Variants in MTMR8 observed in about 807,000 individuals in gnomAD.
MTMR8 encodes the protein phosphatidylinositol-3,5-bisphosphate 3-phosphatase MTMR8.
A neutral mutation model predicts 39.3 loss-of-function variants in MTMR8; 65 were observed. The observed-to-expected ratio is 1.65, with a 90% CI of 1.35 to 2.03. MTMR8 has a LOEUF of 2.03. Among genes scored for constraint, MTMR8 ranks in the 30% most tolerant of loss-of-function variants. The pLI is 0.00. For synonymous variants in MTMR8, 245 were observed against 185.2 expected, an observed-to-expected ratio of 1.32 and a Z score of -2.62; for missense variants, 777 against 538.9, an observed-to-expected ratio of 1.44 and a Z score of -4.37.
intron 1 of MTMR8, among the ~76,000 whole-genome samples, chrX:64,364,091 C>T (rs778170668): frequency 3.7e-4 from 42 of 112,426 alleles, no homozygotes; most frequent in South Asian, 1.5e-3. Flanking sequence ...CCAGGAAGCT[C>T]GAACTGGGCA....
intron 12 of MTMR8, among the ~76,000 whole-genome samples, chrX:64,273,464 A>G (rs1473977096): frequency 2.7e-5 from 3 of 110,267 alleles, no homozygotes; most frequent in African/African-American, 9.9e-5. Context: ...ATCAAAGCAT[A>G]CTAATATAAA....
intron 1 of MTMR8, among the ~76,000 whole-genome samples, chrX:64,378,715 A>G (rs983403528): frequency 1.8e-5 from 2 of 112,662 alleles, no homozygotes; most frequent in African/African-American, 3.2e-5. Context: ...AAGGTCAATA[A>G]TCTAAGCTTT....
chrX:64,386,045 C>A (rs1197220350), intron 1 of MTMR8, among the ~76,000 whole-genome samples: 1 of 110,640 alleles, frequency 9.0e-6, no homozygotes, highest in Non-Finnish European at 1.9e-5. Context: ...CAGGAGACTC[C>A]AATCTACCTG....
At chrX:64,368,935 A>G (rs1924052547) in intron 1 of MTMR8, among the ~76,000 whole-genome samples, 1 of 112,524 alleles carries the variant, frequency 8.9e-6, no homozygotes, top group South Asian at 3.7e-4. Context: ...CAACCCCATC[A>G]AAAAGTTGGT....
intron 1 of MTMR8, among the ~76,000 whole-genome samples, chrX:64,362,004 A>G (rs1053241786): frequency 1.8e-5 from 2 of 111,021 alleles, no homozygotes; most frequent in African/African-American, 3.3e-5. Flanking sequence ...ATCAACCACA[A>G]AAGTCAATAA....
At chrX:64,320,806 C>T (rs1343863636) in intron 12 of MTMR8, among the ~76,000 whole-genome samples, 1 of 111,630 alleles carries the variant, frequency 9.0e-6, no homozygotes, top group Non-Finnish European at 1.9e-5. Flanking sequence ...TACTTTTAAG[C>T]TCTACAGAAG....
chrX:64,366,382 AG>A (rs1314614372), intron 1 of MTMR8, among the ~76,000 whole-genome samples: 2 of 112,200 alleles, frequency 1.8e-5, no homozygotes, highest in Admixed American at 1.9e-4. Flanking sequence ...AAAATATAAA[AG>A]AACAGAAATC....
chrX:64,390,834 T>C (rs888560441), intron 1 of MTMR8, among the ~76,000 whole-genome samples: 1 of 110,486 alleles, frequency 9.1e-6, no homozygotes, highest in African/African-American at 3.3e-5. Context: ...TTTTTTTAAT[T>C]TTTTGTACAG....
intron 6 of MTMR8, among the ~76,000 whole-genome samples, chrX:64,347,200 T>C (rs1449480817): frequency 9.0e-6 from 1 of 110,919 alleles, no homozygotes; most frequent in Admixed American, 9.6e-5. Context: ...TTTCTAGGCC[T>C]GTCTTAATTT....
chrX:64,349,247 G>C (rs1259208268), intron 5 of MTMR8, among the ~76,000 whole-genome samples: 1 of 111,242 alleles, frequency 9.0e-6, no homozygotes, highest in African/African-American at 3.3e-5. Context: ...AAATCAGAAG[G>C]GTGGTTTGTT....
At chrX:64,294,109 T>C (rs768651532) in intron 12 of MTMR8, among the ~76,000 whole-genome samples, 2 of 111,908 alleles carry the variant, frequency 1.8e-5, no homozygotes, top group South Asian at 7.5e-4. Context: ...CTGTCAATCC[T>C]CTGGTATAGC....
At chrX:64,346,358 C>A (rs1362609208) in intron 6 of MTMR8, among the ~76,000 whole-genome samples, 1 of 110,919 alleles carries the variant, frequency 9.0e-6, no homozygotes, top group Non-Finnish European at 1.9e-5. Context: ...TAAACATATT[C>A]TGTTTACAAT....
At chrX:64,286,156 C>T (rs1446090950) in intron 12 of MTMR8, among the ~76,000 whole-genome samples, 1 of 111,851 alleles carries the variant, frequency 8.9e-6, no homozygotes, top group Non-Finnish European at 1.9e-5. Context: ...CACCACTGTT[C>T]CCACAGAAAT....
intron 1 of MTMR8, among the ~76,000 whole-genome samples, chrX:64,377,876 GT>G (rs1314260549): frequency 1.8e-5 from 2 of 112,097 alleles, no homozygotes; most frequent in Non-Finnish European, 3.8e-5. Flanking sequence ...GAAGGGCTTG[GT>G]GAGGGTAATT....
intron 1 of MTMR8, among the ~76,000 whole-genome samples, chrX:64,393,998 A>C (rs1421834498): frequency 8.9e-6 from 1 of 112,231 alleles, no homozygotes; most frequent in African/African-American, 3.2e-5. Context: ...TGACATACCC[A>C]AGACTGGGCA....
chrX:64,360,971 C>A (rs1470573357), intron 1 of MTMR8, among the ~76,000 whole-genome samples: 4 of 110,622 alleles, frequency 3.6e-5, no homozygotes, highest in African/African-American at 1.3e-4. Context: ...ACACACATAG[C>A]CTGAACAGAA....
intron 12 of MTMR8, among the ~76,000 whole-genome samples, chrX:64,309,398 T>C (rs1326662019): frequency 8.9e-6 from 1 of 111,847 alleles, no homozygotes; most frequent in Non-Finnish European, 1.9e-5. Flanking sequence ...GAAATTCCAC[T>C]TGTTCATTGC....
At chrX:64,394,528 A>C (rs779516526) in intron 1 of MTMR8, among the ~76,000 whole-genome samples, 3 of 111,805 alleles carry the variant, frequency 2.7e-5, no homozygotes, top group African/African-American at 9.8e-5. Flanking sequence ...GGAAAAAATA[A>C]CCACAGACTA....
In MTMR8 at chrX:64,268,644, A is replaced by G. The variant is rs73227152; in HGVS notation, c.2008T>C (p.Leu670=). 2.5e-6 allele frequency: 3 copies of G among 1,209,362 alleles called. No homozygotes were observed. In the African/African-American group the frequency reaches 5.3e-5, roughly 21 times the overall value. The change falls in exon 14 of 14, where the codon TTG becomes CTG. Residue 670 remains leucine, a synonymous_variant. Transcript: ENST00000374852. ...ISEATGISGN[L]GISEARGFSG... ...AAACCCCTGGCCTCAGAAATACCCA[A>G]GTTTCCAGAGATGCCAGTGGCCTCA...
Sources: gnomAD v4.1 joint callset for allele counts (sites outside exome capture counted in the v4.1 genomes callset) on GRCh38, gnomAD v4.1.1 for gene constraint, MANE v1.5 for transcripts, NCBI Gene and HGNC (gene_info 2026-07-23, HGNC 2026-07-21) for gene names.